The following MCTP1 variants were observed in gnomAD, a reference collection of about 807,000 sequenced individuals.
The protein encoded by MCTP1 is multiple C2 and transmembrane domain-containing protein 1.
In MCTP1, 69 loss-of-function variants were observed where a neutral mutation model predicts 120.6. The ratio of observed to expected loss-of-function variants is 0.57; its 90% CI spans 0.47 to 0.70. The LOEUF is 0.70. MCTP1 is among the 30% of genes least tolerant of loss of function. The probability of loss-of-function intolerance (pLI) is 0.00; values close to 1 mark genes in which losing one functional copy is unlikely to be tolerated. For synonymous variants in MCTP1, 529 were observed against 493.1 expected (o/e 1.07, Z -0.96); for missense variants, 1,203 against 1,248.8 (o/e 0.96, Z 0.55).
chr5:95,223,708 A>G (rs1247727774), intron 1 of MCTP1, among the ~76,000 whole-genome samples: 3 of 152,206 alleles, frequency 2.0e-5, no homozygotes. Flanking sequence ...TTGGAAAAAA[A>G]TAACTAGCGG....
At position 95,101,925 on chromosome 5, in the gene MCTP1, G is replaced by A. The variant is rs74655848; in HGVS notation, c.721-84441C>T. Among the ~76,000 whole-genome samples, 905 of 152,234 alleles carry A rather than the reference G, an allele frequency of 5.9e-3. 7 individuals carry two copies. Among genetic ancestry groups the A allele is most frequent in the African/African-American group, 0.021 (852 of 41,552 alleles). ...TCTTTGCAACCTTACAAGTAATACT[G>A]TATTTCATCCACTAGATCAGATGCT... On this transcript the variant is annotated intron_variant, in intron 1 of 22. Transcript: ENST00000515393.
chr5:94,873,613 G>A (rs1004941737), intron 12 of MCTP1, among the ~76,000 whole-genome samples: 1 of 151,962 alleles, frequency 6.6e-6, no homozygotes, highest in Non-Finnish European at 1.5e-5. Flanking sequence ...CGTTTGAAAA[G>A]TTCAGCCCCT....
chr5:94,780,269 G>GTT (rs5869651), intron 18 of MCTP1, among the ~76,000 whole-genome samples: 4 of 150,290 alleles, frequency 2.7e-5, no homozygotes, highest in African/African-American at 9.8e-5. Context: ...TCCTGTTTTT[G>GTT]TTTTTTTTTT....
At chr5:95,195,536 C>T (rs1241598153) in intron 1 of MCTP1, among the ~76,000 whole-genome samples, 3 of 152,068 alleles carry the variant, frequency 2.0e-5, no homozygotes, top group Non-Finnish European at 4.4e-5. Flanking sequence ...AATTAAAGGA[C>T]ACATAAAATC....
intron 1 of MCTP1, among the ~76,000 whole-genome samples, chr5:95,078,799 G>A (rs1400159695): frequency 6.6e-6 from 1 of 151,942 alleles, no homozygotes; most frequent in African/African-American, 2.4e-5. Context: ...TAATTTCCTT[G>A]TACTTCAGTG....
chr5:94,757,009 C>T (rs575971768), intron 19 of MCTP1, among the ~76,000 whole-genome samples: 43 of 152,156 alleles, frequency 2.8e-4, no homozygotes, highest in African/African-American at 9.2e-4. Context: ...ATATAGAACT[C>T]GCTTCTAATT....
intron 12 of MCTP1, among the ~76,000 whole-genome samples, chr5:94,885,768 T>A (rs1801187762): frequency 6.6e-6 from 1 of 152,158 alleles, no homozygotes; most frequent in African/African-American, 2.4e-5. Flanking sequence ...GAAAGGTAAG[T>A]AAGTTGTACT....
chr5:94,799,000 A>G lies in MCTP1; in HGVS notation c.2556+13T>C. 1 of 1,607,602 alleles carries G rather than the reference A, an allele frequency of 6.2e-7. No homozygotes were observed. Among genetic ancestry groups the G allele is most frequent in the East Asian group, 2.2e-5 (1 of 44,650 alleles). On this transcript the variant is annotated intron_variant, in intron 18 of 22. Transcript: ENST00000515393. ...GAACAAAAACACATACAAGTAAGAGAGTAGAGACTTACTGTATCACGTTGC... is the reference window on the plus strand; with the variant it reads ...GAACAAAAACACATACAAGTAAGAGGGTAGAGACTTACTGTATCACGTTGC...
chr5:94,905,330 C>T (rs1740690949), intron 10 of MCTP1, among the ~76,000 whole-genome samples: 1 of 152,136 alleles, frequency 6.6e-6, no homozygotes, highest in South Asian at 2.1e-4. Context: ...GTGGCTGTCC[C>T]TAGATTATGA....
At chr5:95,178,304 C>A (rs1240930219) in intron 1 of MCTP1, among the ~76,000 whole-genome samples, 1 of 152,214 alleles carries the variant, frequency 6.6e-6, no homozygotes, top group East Asian at 1.9e-4. Context: ...CTCTTGGGAG[C>A]TCTATAACCC....
intron 1 of MCTP1, among the ~76,000 whole-genome samples, chr5:95,186,736 C>T (rs1479890391): frequency 6.6e-6 from 1 of 152,088 alleles, no homozygotes; most frequent in Non-Finnish European, 1.5e-5. Context: ...AATCACTCTG[C>T]CTTTTAATAA....
At chr5:95,167,668 A>C (rs1746599911) in intron 1 of MCTP1, among the ~76,000 whole-genome samples, 1 of 152,222 alleles carries the variant, frequency 6.6e-6, no homozygotes, top group Admixed American at 6.5e-5. Context: ...AGTGATGATG[A>C]GCATTTTTTC....
intron 19 of MCTP1, among the ~76,000 whole-genome samples, chr5:94,734,814 C>CT (rs374312571): frequency 9.9e-5 from 15 of 152,050 alleles, no homozygotes; most frequent in Admixed American, 2.6e-4. Flanking sequence ...TATTTCCATG[C>CT]TTTTTTTTCT....
rs74462510 is a variant in MCTP1 at position 95,199,359 on chromosome 5, C to T, written c.720+84497G>A. 4.8e-3 allele frequency among the ~76,000 whole-genome samples: 730 copies of T among 151,874 alleles called. 6 individuals carry two copies. Among genetic ancestry groups the T allele is most frequent in the African/African-American group, 0.015 (638 of 41,394 alleles). On this transcript the variant is annotated intron_variant, in intron 1 of 22. Coordinates refer to ENST00000515393, the MANE Select transcript of MCTP1 (RefSeq NM_024717.7). ...ATACATATGATAAAGGCTTAATATC[C>T]AAAATATATAAAGGAACTCAATAGC...
chr5:95,020,632 A>T (rs905075577), intron 1 of MCTP1, among the ~76,000 whole-genome samples: 17 of 151,852 alleles, frequency 1.1e-4, no homozygotes, highest in Non-Finnish European at 2.4e-4. Flanking sequence ...CCCTCTAATG[A>T]CTTCTGTATT....
intron 1 of MCTP1, among the ~76,000 whole-genome samples, chr5:95,107,066 A>G (rs1757138357): frequency 6.6e-6 from 1 of 152,222 alleles, no homozygotes; most frequent in South Asian, 2.1e-4. Context: ...ATAAACTCAT[A>G]CTAAATTTAG....
intron 17 of MCTP1, among the ~76,000 whole-genome samples, chr5:94,835,148 G>A (rs943099707): frequency 2.0e-5 from 3 of 152,124 alleles, no homozygotes; most frequent in African/African-American, 7.2e-5. Flanking sequence ...AGTTTAGTTA[G>A]CAGTTGATGA....
At chr5:94,863,456 A>T (rs944479948) in intron 17 of MCTP1, among the ~76,000 whole-genome samples, 39 of 151,858 alleles carry the variant, frequency 2.6e-4, no homozygotes, top group African/African-American at 7.2e-4. Context: ...TTCAGAATAG[A>T]TATTTCTGTT....
intron 19 of MCTP1, among the ~76,000 whole-genome samples, chr5:94,729,995 G>A (rs925714374): frequency 3.3e-5 from 5 of 152,100 alleles, no homozygotes; most frequent in African/African-American, 1.2e-4. Flanking sequence ...ATAGTTAGGA[G>A]GCTACTACAG....
Sources: gnomAD v4.1 joint callset for allele counts (sites outside exome capture counted in the v4.1 genomes callset) on GRCh38, gnomAD v4.1.1 for gene constraint, MANE v1.5 for transcripts, NCBI Gene and HGNC (gene_info 2026-07-23, HGNC 2026-07-21) for gene names.